Variants in NCKAP5 observed in about 807,000 individuals in gnomAD.
The protein encoded by NCKAP5 is nck-associated protein 5.
A neutral mutation model predicts 167.0 loss-of-function variants in NCKAP5; 92 were observed. That is an observed-to-expected ratio of 0.55 (90% CI 0.47 to 0.66). NCKAP5 has a LOEUF of 0.66. NCKAP5 is among the 30% of genes least tolerant of loss of function. NCKAP5 has a pLI of 0.00. For missense variants in NCKAP5, 2,378 were observed against 2,315.0 expected, an observed-to-expected ratio of 1.03 and a Z score of -0.56; for synonymous variants, 891 against 877.4, an observed-to-expected ratio of 1.02 and a Z score of -0.27.
At chr2:133,022,152 C>A (rs998923735) in intron 6 of NCKAP5, among the ~76,000 whole-genome samples, 1 of 151,936 alleles carries the variant, frequency 6.6e-6, no homozygotes, top group South Asian at 2.1e-4. Context: ...GAACACGTCA[C>A]CTCAAAATAT....
chr2:132,785,789 A>C, intron 13 of NCKAP5, 71 bp from the exon 14 acceptor site: 1 of 1,247,108 alleles, frequency 8.0e-7, no homozygotes. Flanking sequence ...GGAAAAGTAC[A>C]TCATGGGACT....
At chr2:133,465,445 C>T (rs62177698) in intron 3 of NCKAP5, among the ~76,000 whole-genome samples, 37,669 of 150,820 alleles carry the variant, frequency 0.25, 5,056 homozygotes, top group African/African-American at 0.34. Flanking sequence ...TCTTTGCTAT[C>T]GTGAATAATG....
At chr2:132,847,257 GT>G (rs1448801867) in intron 11 of NCKAP5, among the ~76,000 whole-genome samples, 3 of 152,144 alleles carry the variant, frequency 2.0e-5, no homozygotes, top group Non-Finnish European at 4.4e-5. Flanking sequence ...TAATTAAATA[GT>G]TATTATTGGT....
Position 133,517,531 on chromosome 2 carries a change from G to T in NCKAP5, c.-5C>A. 1 of 1,518,568 alleles carries T rather than the reference G, an allele frequency of 6.6e-7. No homozygotes were observed. The highest frequency in any genetic ancestry group is 8.9e-7 in the Non-Finnish European group (1 of 1,129,238). The allele number at this position is 1,518,568 out of a possible 1,614,324, so 94.1% of individuals were successfully genotyped here. A position where few individuals can be genotyped will look rare whatever the true frequency, so the allele number is the denominator to read the frequency against. On this transcript the variant is annotated 5_prime_UTR_variant, in exon 3 of 20. Coordinates refer to ENST00000409261, the MANE Select transcript of NCKAP5 (RefSeq NM_207363.3). ...AAGCTGTCTCTTTCCCTCCATGGAT[G>T]AAGTTATTTATTTTCTTTTGTGACT...
chr2:133,566,771 T>C (rs1453653325), intron 1 of NCKAP5, among the ~76,000 whole-genome samples: 1 of 152,238 alleles, frequency 6.6e-6, no homozygotes, highest in Non-Finnish European at 1.5e-5. Flanking sequence ...TGTGAAAGGA[T>C]AAACTTTGAT....
At chr2:133,385,630 C>T (rs1486429279) in intron 3 of NCKAP5, among the ~76,000 whole-genome samples, 9 of 150,838 alleles carry the variant, frequency 6.0e-5, no homozygotes, top group African/African-American at 9.8e-5. Flanking sequence ...TGGTACCAGC[C>T]CCTCCTTGTA....
At chr2:132,978,087 A>C (rs1435416766) in intron 7 of NCKAP5, among the ~76,000 whole-genome samples, 3 of 152,226 alleles carry the variant, frequency 2.0e-5, no homozygotes, top group Non-Finnish European at 4.4e-5. Context: ...AGACAAATTA[A>C]CAGGAAATAA....
chr2:132,926,233 T>C, intron 8 of NCKAP5: 1 of 359,732 alleles, frequency 2.8e-6, no homozygotes, highest in Non-Finnish European at 5.7e-6. Context: ...TCATTCCTTT[T>C]AATAGCCACT....
At chr2:133,121,755 G>T (rs2082257896) in intron 6 of NCKAP5, among the ~76,000 whole-genome samples, 1 of 142,750 alleles carries the variant, frequency 7.0e-6, no homozygotes, top group Non-Finnish European at 1.5e-5. Flanking sequence ...TTCCCAAAAG[G>T]TAAACACTCT....
chr2:133,259,008 T>G (rs960605720), intron 4 of NCKAP5, among the ~76,000 whole-genome samples: 2 of 152,102 alleles, frequency 1.3e-5, no homozygotes, highest in African/African-American at 4.8e-5. Context: ...TTCCTTAGCA[T>G]GCATGTGATG....
intron 10 of NCKAP5, among the ~76,000 whole-genome samples, chr2:132,864,994 T>A (rs1016822602): frequency 6.6e-5 from 10 of 152,126 alleles, no homozygotes; most frequent in Non-Finnish European, 1.0e-4. Flanking sequence ...TCATGGGATG[T>A]CTTTTCGAGT....
chr2:133,263,592 T>C (rs1396410962), intron 4 of NCKAP5, among the ~76,000 whole-genome samples: 1 of 152,110 alleles, frequency 6.6e-6, no homozygotes, highest in African/African-American at 2.4e-5. Context: ...ATAAAAACCA[T>C]TTCTGGAGGA....
chr2:133,279,059 G>T (rs915612043), intron 4 of NCKAP5, among the ~76,000 whole-genome samples: 1 of 152,174 alleles, frequency 6.6e-6, no homozygotes, highest in Non-Finnish European at 1.5e-5. Flanking sequence ...TACATTGCTG[G>T]TAGAAATATA....
intron 6 of NCKAP5, among the ~76,000 whole-genome samples, chr2:133,071,089 C>G (rs912791520): frequency 6.6e-6 from 1 of 152,034 alleles, no homozygotes; most frequent in African/African-American, 2.4e-5. Context: ...AAAGGTGACA[C>G]TAAAGAAGCA....
At chr2:132,821,391 A>AAGTG in intron 11 of NCKAP5, among the ~76,000 whole-genome samples, 1 of 150,380 alleles carries the variant, frequency 6.6e-6, no homozygotes, top group Non-Finnish European at 1.5e-5. Flanking sequence ...CCCAGCTTCT[A>AAGTG]GCTTAAGCCC....
chr2:133,397,523 A>G (rs1687807063), intron 3 of NCKAP5, among the ~76,000 whole-genome samples: 1 of 152,178 alleles, frequency 6.6e-6, no homozygotes, highest in African/African-American at 2.4e-5. Context: ...CCTGGTGTCC[A>G]CTGTCTACTA....
At chr2:133,261,368 A>G (rs1483894747) in intron 4 of NCKAP5, among the ~76,000 whole-genome samples, 1 of 152,188 alleles carries the variant, frequency 6.6e-6, no homozygotes, top group Non-Finnish European at 1.5e-5. Flanking sequence ...CACCGCTATA[A>G]CACTTAAGTT....
chr2:133,150,081 A>T (rs1378685435), intron 5 of NCKAP5, among the ~76,000 whole-genome samples: 1 of 152,210 alleles, frequency 6.6e-6, no homozygotes, highest in Admixed American at 6.6e-5. Context: ...TTAAGGGGGC[A>T]AGTGTATTCA....
At chr2:132,803,419 C>G (rs1402486018) in intron 11 of NCKAP5, among the ~76,000 whole-genome samples, 1 of 152,256 alleles carries the variant, frequency 6.6e-6, no homozygotes, top group African/African-American at 2.4e-5. Context: ...CTCTTTTCTA[C>G]TTCTCCAGGA....
Sources: allele counts gnomAD v4.1 joint callset (sites outside exome capture counted in the v4.1 genomes callset), GRCh38; gene constraint gnomAD v4.1.1; transcripts MANE v1.5; gene names NCBI Gene and HGNC (gene_info 2026-07-23, HGNC 2026-07-21).